Variants in SORCS3 observed in about 807,000 individuals in gnomAD.
The protein encoded by SORCS3 is VPS10 domain-containing receptor SorCS3.
SORCS3 carries 57 observed loss-of-function variants against 146.3 expected under a neutral mutation model. That is an observed-to-expected ratio of 0.39 (90% CI 0.31 to 0.49). The LOEUF (loss-of-function observed/expected upper bound fraction) is 0.49, where lower values mean the gene tolerates loss of function less well. Ranked by LOEUF, SORCS3 falls within the 20% of genes least tolerant of loss-of-function variation. The probability of loss-of-function intolerance (pLI) is 0.92; values close to 1 mark genes in which losing one functional copy is unlikely to be tolerated. For synonymous variants in SORCS3, 653 were observed against 618.5 expected, an observed-to-expected ratio of 1.06 and a Z score of -0.83; for missense variants, 1,341 against 1,575.5, an observed-to-expected ratio of 0.85 and a Z score of 2.52.
At chr10:105,117,061 T>G (rs1011696382) in intron 7 of SORCS3, among the ~76,000 whole-genome samples, 1 of 151,816 alleles carries the variant, frequency 6.6e-6, no homozygotes, top group African/African-American at 2.4e-5. Context: ...AAAACAAAAC[T>G]AATGGATCAG....
chr10:105,004,224 A>G (rs1031212788), intron 4 of SORCS3, among the ~76,000 whole-genome samples: 1 of 152,062 alleles, frequency 6.6e-6, no homozygotes, highest in African/African-American at 2.4e-5. Context: ...CAGAGAAGGG[A>G]TGGGCTTTGA....
At chr10:105,040,107 C>T (rs1457838788) in intron 4 of SORCS3, among the ~76,000 whole-genome samples, 2 of 152,040 alleles carry the variant, frequency 1.3e-5, no homozygotes, top group East Asian at 1.9e-4. Context: ...AGCATCTGTC[C>T]CTCAGGTACC....
At chr10:104,928,273 C>T (rs1027408937) in intron 3 of SORCS3, among the ~76,000 whole-genome samples, 4 of 152,150 alleles carry the variant, frequency 2.6e-5, no homozygotes, top group African/African-American at 4.8e-5. Flanking sequence ...ACCAGCCTCT[C>T]AGACTGATGA....
intron 5 of SORCS3, among the ~76,000 whole-genome samples, chr10:105,083,683 G>C (rs529800795): frequency 7.2e-5 from 11 of 152,176 alleles, no homozygotes; most frequent in Admixed American, 3.9e-4. Flanking sequence ...CTCCTCTACT[G>C]TTGGCCCAAC....
intron 1 of SORCS3, among the ~76,000 whole-genome samples, chr10:104,763,709 T>C (rs1589490104): frequency 6.6e-6 from 1 of 152,190 alleles, no homozygotes; most frequent in Non-Finnish European, 1.5e-5. Flanking sequence ...TTAATTGATA[T>C]TGTTTGGCTG....
chr10:104,880,616 G>A (rs926138128), intron 2 of SORCS3, among the ~76,000 whole-genome samples: 1 of 74,450 alleles, frequency 1.3e-5, no homozygotes, highest in Non-Finnish European at 2.5e-5. Flanking sequence ...ATCTTATCCC[G>A]TAGGTTGCTA....
chr10:105,014,343 C>A (rs1192342990), intron 4 of SORCS3, among the ~76,000 whole-genome samples: 1 of 151,692 alleles, frequency 6.6e-6, no homozygotes. Context: ...TGGAAACTAT[C>A]TTTTATACCT....
chr10:105,145,718 G>A (rs1419958621), intron 8 of SORCS3, among the ~76,000 whole-genome samples: 2 of 152,008 alleles, frequency 1.3e-5, no homozygotes, highest in Non-Finnish European at 2.9e-5. Context: ...CCATTTTCAA[G>A]CAGCTCAGCA....
chr10:104,802,856 A>G (rs996130309), intron 1 of SORCS3, among the ~76,000 whole-genome samples: 1 of 152,198 alleles, frequency 6.6e-6, no homozygotes, highest in African/African-American at 2.4e-5. Context: ...GGCCCTGATT[A>G]GTTTGGAGCA....
intron 4 of SORCS3, among the ~76,000 whole-genome samples, chr10:105,027,137 G>A (rs773939906): frequency 1.3e-5 from 2 of 152,010 alleles, no homozygotes; most frequent in African/African-American, 2.4e-5. Context: ...TCCTCAAGAC[G>A]CTGTGGGTCT....
chr10:104,889,282 C>CTT (rs35462776), intron 2 of SORCS3, among the ~76,000 whole-genome samples: 1 of 122,712 alleles, frequency 8.1e-6, no homozygotes, highest in Non-Finnish European at 1.8e-5. Flanking sequence ...ATTTCCTGTG[C>CTT]TTTTTTTTTT....
intron 4 of SORCS3, among the ~76,000 whole-genome samples, chr10:105,028,540 TG>T (rs2055244899): frequency 6.6e-6 from 1 of 152,230 alleles, no homozygotes; most frequent in Admixed American, 6.5e-5. Flanking sequence ...TTGTGAATCT[TG>T]GTGGGTGTGG....
intron 3 of SORCS3, among the ~76,000 whole-genome samples, chr10:104,964,568 T>C (rs1467819880): frequency 6.6e-6 from 1 of 152,206 alleles, no homozygotes; most frequent in Non-Finnish European, 1.5e-5. Flanking sequence ...GTCCTTAGAA[T>C]AGAGCCTGGC....
chr10:104,859,264 C>T (rs902929764), intron 2 of SORCS3, among the ~76,000 whole-genome samples: 1 of 152,072 alleles, frequency 6.6e-6, no homozygotes, highest in South Asian at 2.1e-4. Context: ...AATAATGCCG[C>T]ATATCTACAA....
At chr10:104,760,868 T>C (rs2017113413) in intron 1 of SORCS3, among the ~76,000 whole-genome samples, 1 of 152,020 alleles carries the variant, frequency 6.6e-6, no homozygotes, top group South Asian at 2.1e-4. Context: ...ATACATGCTC[T>C]TAACAATGAG....
At chr10:105,030,627 TTG>T (rs2055259841) in intron 4 of SORCS3, among the ~76,000 whole-genome samples, 1 of 151,776 alleles carries the variant, frequency 6.6e-6, no homozygotes, top group South Asian at 2.1e-4. Flanking sequence ...AGCTTTGCTC[TTG>T]TTGCCCAGGC....
Position 105,043,040 on chromosome 10 carries a change from T to C in SORCS3, c.955-15T>C. 6.2e-7 allele frequency: 1 copy of C among 1,612,900 alleles called. No homozygotes were observed. Among genetic ancestry groups the C allele is most frequent in the Non-Finnish European group, 8.5e-7 (1 of 1,179,006 alleles). ...GGTTCCTTGAGACTTACATTCTCAC[T>C]TCATTGTTTTGCAGCTCTACAGCTC... On this transcript the variant is annotated splice_polypyrimidine_tract_variant and intron_variant, in intron 4 of 26. Transcript: ENST00000369701.
chr10:104,886,321 T>A (rs11599678), intron 2 of SORCS3, among the ~76,000 whole-genome samples: 73,872 of 151,910 alleles, frequency 0.49, 21,346 homozygotes, highest in African/African-American at 0.82. Flanking sequence ...CTCTTATTTA[T>A]GTGGTGTTTC....
At chr10:105,033,000 A>T (rs2133697441) in intron 4 of SORCS3, among the ~76,000 whole-genome samples, 1 of 152,330 alleles carries the variant, frequency 6.6e-6, no homozygotes, top group South Asian at 2.1e-4. Flanking sequence ...AGCATATAAA[A>T]TGAATAAAAT....
Sources: gnomAD v4.1 joint callset for allele counts (sites outside exome capture counted in the v4.1 genomes callset) on GRCh38, gnomAD v4.1.1 for gene constraint, MANE v1.5 for transcripts, NCBI Gene and HGNC (gene_info 2026-07-23, HGNC 2026-07-21) for gene names.